The following SMARCC1 variants were observed in gnomAD, a reference collection of about 807,000 sequenced individuals.
SMARCC1 encodes SWI/SNF related BAF chromatin remodeling complex subunit C1.
SMARCC1 carries 43 observed loss-of-function variants against 147.4 expected under a neutral mutation model. The observed-to-expected ratio is 0.29, with a 90% CI of 0.23 to 0.38. The LOEUF is 0.38. SMARCC1 is among the 10% of genes least tolerant of loss of function. SMARCC1 has a pLI of 1.00. For synonymous variants in SMARCC1, 495 were observed against 484.4 expected (o/e 1.02, Z -0.29); for missense variants, 1,119 against 1,381.1 (o/e 0.81, Z 3.01).
At chr3:47,773,897 G>A (rs1019876017) in intron 1 of SMARCC1, among the ~76,000 whole-genome samples, 7 of 152,088 alleles carry the variant, frequency 4.6e-5, no homozygotes, top group Non-Finnish European at 7.4e-5. Flanking sequence ...CACCCAAAGC[G>A]CTAGGATTAC....
intron 12 of SMARCC1, among the ~76,000 whole-genome samples, chr3:47,691,656 TAC>T (rs2033790380): frequency 6.6e-6 from 1 of 151,940 alleles, no homozygotes; most frequent in African/African-American, 2.4e-5. Flanking sequence ...AACAAAAATT[TAC>T]AGTTGATGGA....
chr3:47,649,468 A>C lies in SMARCC1; in HGVS notation c.2321-10688T>G, dbSNP rs191907560. ...TCCTTAACCTTCTTAAAAACTAGGA[A>C]CCATTAGTTGGGTTCTTTAACACAG... On this transcript the variant is annotated intron_variant, in intron 21 of 27. Coordinates refer to ENST00000254480, the MANE Select transcript of SMARCC1 (RefSeq NM_003074.4). 4.7e-3 allele frequency among the ~76,000 whole-genome samples: 717 copies of C among 152,264 alleles called. 8 individuals are homozygous for C. The highest frequency in any genetic ancestry group is 6.8e-3 in the Middle Eastern group (2 of 294).
chr3:47,720,064 T>C (rs747497191), intron 7 of SMARCC1, among the ~76,000 whole-genome samples: 2 of 151,738 alleles, frequency 1.3e-5, no homozygotes, highest in Admixed American at 6.6e-5. Flanking sequence ...GAAACAAATA[T>C]AAATTAGCAA....
rs570329795 is a variant in SMARCC1, at chr3:47,772,066, C to T, written c.315+751G>A. 8.6e-5 allele frequency among the ~76,000 whole-genome samples: 13 copies of T among 151,902 alleles called. 1 individual carries two copies. The highest frequency in any genetic ancestry group is 7.2e-4 in the Admixed American group (11 of 15,218). On this transcript the variant is annotated intron_variant, in intron 2 of 27. Coordinates refer to ENST00000254480, the MANE Select transcript of SMARCC1 (RefSeq NM_003074.4). ...CCTGGGTGACAGAGCGAGACTCTGT[C>T]TCATAAATAAATTAATTAAATAAAA...
At chr3:47,651,438 C>T (rs910135331) in intron 21 of SMARCC1, among the ~76,000 whole-genome samples, 3 of 152,326 alleles carry the variant, frequency 2.0e-5, no homozygotes, top group East Asian at 3.9e-4. Context: ...TCCCCTCCCC[C>T]ACCAATCGAG....
At chr3:47,692,702 T>C (rs2033804331) in intron 12 of SMARCC1, among the ~76,000 whole-genome samples, 1 of 152,038 alleles carries the variant, frequency 6.6e-6, no homozygotes, top group Admixed American at 6.6e-5. Context: ...TAATATCCTG[T>C]AGTGGCTAAG....
chr3:47,683,523 C>A (rs148188500), intron 14 of SMARCC1, among the ~76,000 whole-genome samples: 1 of 152,194 alleles, frequency 6.6e-6, no homozygotes, highest in East Asian at 1.9e-4. Context: ...AAAAATAACA[C>A]GGTAATCATT....
At position 47,733,356 on chromosome 3, in the gene SMARCC1, G is replaced by A. The variant is rs374780007; in HGVS notation, c.576+2678C>T. Among the ~76,000 whole-genome samples, 58 of 150,652 alleles carry A rather than the reference G, an allele frequency of 3.8e-4. 1 individual carries two copies. The South Asian group carries it at 8.4e-3, about 22-fold the overall frequency. ...ACTTTGGGAGGCCGAGGTAGCAGGG[G>A]GAATCTCTTGAGGCCAGGAGCTTGA... On this transcript the variant is annotated intron_variant, in intron 5 of 27. Transcript: ENST00000254480.
intron 25 of SMARCC1, among the ~76,000 whole-genome samples, chr3:47,611,096 A>AGTTT (rs1375916203): frequency 6.6e-6 from 1 of 152,276 alleles, no homozygotes; most frequent in Non-Finnish European, 1.5e-5. Context: ...TCAGAGAATG[A>AGTTT]AGCCTATCCT....
At chr3:47,746,029 A>T in intron 2 of SMARCC1, 36 bp from the exon 3 acceptor site, 1 of 1,355,078 alleles carries the variant, frequency 7.4e-7, no homozygotes, top group South Asian at 1.4e-5. Context: ...AGAAAAATAA[A>T]GCTTCTGACA....
intron 10 of SMARCC1, among the ~76,000 whole-genome samples, chr3:47,704,304 T>G (rs1238311626): frequency 6.6e-6 from 1 of 152,166 alleles, no homozygotes; most frequent in African/African-American, 2.4e-5. Context: ...TCAAAATATT[T>G]TCTAAGTATA....
chr3:47,749,738 G>GAC (rs1315942055), intron 2 of SMARCC1, among the ~76,000 whole-genome samples: 4 of 85,438 alleles, frequency 4.7e-5, no homozygotes, highest in Non-Finnish European at 1.0e-4. Flanking sequence ...GAAAGAGACA[G>GAC]AGAGAGAGAG....
chr3:47,591,410 TAA>T (rs36029152), intron 26 of SMARCC1, among the ~76,000 whole-genome samples: 22 of 143,734 alleles, frequency 1.5e-4, no homozygotes, highest in Admixed American at 2.8e-4. Context: ...ATGGTTCATT[TAA>T]AAAAAAAAAA....
At chr3:47,698,599 ACT>A (rs964142846) in intron 11 of SMARCC1, among the ~76,000 whole-genome samples, 4 of 152,168 alleles carry the variant, frequency 2.6e-5, no homozygotes, top group South Asian at 2.1e-4. Context: ...AAAAATTTAC[ACT>A]GTCAGTAACA....
chr3:47,748,701 G>A lies in SMARCC1; in HGVS notation c.316-2708C>T, dbSNP rs145554423. ...GTAAAAACAATATAAACTGAGCATC[G>A]AATAGGCTAAATAAGATGAAGTGTT... On this transcript the variant is annotated intron_variant, in intron 2 of 27. Transcript: ENST00000254480. Among the ~76,000 whole-genome samples, 553 of 152,182 alleles carry A rather than the reference G, an allele frequency of 3.6e-3. 4 individuals carry two copies. The highest frequency in any genetic ancestry group is 9.5e-3 in the African/African-American group (394 of 41,524).
rs76892200 is a variant in SMARCC1 at position 47,642,209 on chromosome 3, A to G, written c.2321-3429T>C. The stretch of plus-strand genomic sequence containing the variant: ...CAAAAGATTAGTACATAAGATCTAT[A>G]AAGAAAAAGGCAAATACTATACAAA... On this transcript the variant is annotated intron_variant, in intron 21 of 27. Coordinates refer to ENST00000254480, the MANE Select transcript of SMARCC1 (RefSeq NM_003074.4). Among the ~76,000 whole-genome samples the G allele has an allele frequency of 3.9e-5, 6 of 152,360 alleles. No homozygotes were observed. In the East Asian group the frequency reaches 5.8e-4, roughly 15 times the overall value.
chr3:47,699,203 C>G (rs1396167995), intron 11 of SMARCC1, among the ~76,000 whole-genome samples: 1 of 152,068 alleles, frequency 6.6e-6, no homozygotes, highest in Admixed American at 6.6e-5. Flanking sequence ...AATGAAAATC[C>G]AAGCAACTGT....
At chr3:47,701,771 G>A (rs540600181) in intron 10 of SMARCC1, 13 of 169,642 alleles carry the variant, frequency 7.7e-5, no homozygotes, top group East Asian at 5.5e-4. Context: ...CTGAGATGGC[G>A]CCAGTGCACT....
chr3:47,608,540 C>T (rs2032513690), intron 26 of SMARCC1, among the ~76,000 whole-genome samples: 1 of 152,068 alleles, frequency 6.6e-6, no homozygotes, highest in South Asian at 2.1e-4. Context: ...TACAAGAATG[C>T]CTGACCTCAT....
Sources: allele counts gnomAD v4.1 joint callset (sites outside exome capture counted in the v4.1 genomes callset), GRCh38; gene constraint gnomAD v4.1.1; transcripts MANE v1.5; gene names NCBI Gene and HGNC (gene_info 2026-07-23, HGNC 2026-07-21).